NKAIN2: variants seen among roughly 807,000 people sequenced by gnomAD.
NKAIN2 encodes sodium/potassium transporting ATPase interacting 2.
A neutral mutation model predicts 32.6 loss-of-function variants in NKAIN2; 14 were observed. The ratio of observed to expected loss-of-function variants is 0.43; its 90% CI spans 0.28 to 0.67. The LOEUF is 0.67. Among genes scored for constraint, NKAIN2 ranks in the 30% least tolerant of loss-of-function variants. NKAIN2 has a pLI of 0.17. For synonymous variants in NKAIN2, 80 were observed against 87.2 expected, an observed-to-expected ratio of 0.92 and a Z score of 0.46; for missense variants, 198 against 258.3, an observed-to-expected ratio of 0.77 and a Z score of 1.60.
At position 124,343,139 on chromosome 6, in the gene NKAIN2, T is replaced by C. The variant is rs555041737; in HGVS notation, c.193-12128T>C. On this transcript the variant is annotated intron_variant, in intron 2 of 6. Transcript: ENST00000368417. ...GAATGATGGTTTCCAGCTTCATCCA[T>C]GTCCCTACAAAGGACATGAACTCAT... Among the ~76,000 whole-genome samples the C allele has an allele frequency of 3.4e-3, 522 of 152,176 alleles. 2 individuals are homozygous for C. Among genetic ancestry groups the C allele is most frequent in the African/African-American group, 0.01 (436 of 41,532 alleles).
intron 3 of NKAIN2, among the ~76,000 whole-genome samples, chr6:124,531,704 T>C (rs1483169816): frequency 6.6e-6 from 1 of 152,206 alleles, no homozygotes; most frequent in Non-Finnish European, 1.5e-5. Context: ...AGACGGAGTC[T>C]CACTCTGTTG....
chr6:124,272,053 G>A (rs1794818367), intron 1 of NKAIN2, among the ~76,000 whole-genome samples: 1 of 152,194 alleles, frequency 6.6e-6, no homozygotes, highest in Non-Finnish European at 1.5e-5. Flanking sequence ...ATTTAAAAGG[G>A]AAGCAGAGCA....
At chr6:124,138,689 TATATA>T (rs2114314699) in intron 1 of NKAIN2, among the ~76,000 whole-genome samples, 1 of 146,104 alleles carries the variant, frequency 6.8e-6, no homozygotes, top group Admixed American at 6.8e-5. Flanking sequence ...TATAAGTGGA[TATATA>T]ATATATATTA....
chr6:124,432,717 A>G (rs190211571), intron 3 of NKAIN2, among the ~76,000 whole-genome samples: 1 of 152,274 alleles, frequency 6.6e-6, no homozygotes, highest in African/African-American at 2.4e-5. Flanking sequence ...AACTGACTAG[A>G]TCTCCAGCCT....
intron 1 of NKAIN2, among the ~76,000 whole-genome samples, chr6:124,234,002 GATC>G (rs1285360864): frequency 6.6e-6 from 1 of 152,126 alleles, no homozygotes; most frequent in Non-Finnish European, 1.5e-5. Context: ...AGGCTTTGTA[GATC>G]ATTCCCTTCT....
chr6:124,729,440 A>C (rs1310930482), intron 4 of NKAIN2, among the ~76,000 whole-genome samples: 1 of 152,104 alleles, frequency 6.6e-6, no homozygotes, highest in Non-Finnish European at 1.5e-5. Flanking sequence ...GCATATAAGC[A>C]GAGCCAAAGA....
intron 1 of NKAIN2, among the ~76,000 whole-genome samples, chr6:124,236,472 A>T (rs1792767873): frequency 6.6e-6 from 1 of 152,164 alleles, no homozygotes; most frequent in Non-Finnish European, 1.5e-5. Flanking sequence ...ATGAGTGATG[A>T]TATTGAGTAT....
chr6:124,370,226 A>G (rs898068572), intron 3 of NKAIN2, among the ~76,000 whole-genome samples: 2 of 151,642 alleles, frequency 1.3e-5, no homozygotes, highest in African/African-American at 4.8e-5. Flanking sequence ...GAGGCTATTT[A>G]GCTCTCTTTC....
chr6:124,662,976 T>C (rs902595134), intron 4 of NKAIN2, among the ~76,000 whole-genome samples: 3 of 152,212 alleles, frequency 2.0e-5, no homozygotes, highest in Admixed American at 6.5e-5. Context: ...TATGAGCTGA[T>C]ACTAGCTACT....
chr6:124,320,760 T>C (rs79382129), intron 2 of NKAIN2, among the ~76,000 whole-genome samples: 1 of 152,238 alleles, frequency 6.6e-6, no homozygotes, highest in African/African-American at 2.4e-5. Context: ...AATGAATACC[T>C]TGAAGTATAA....
chr6:123,832,017 A>G (rs964805675), intron 1 of NKAIN2, among the ~76,000 whole-genome samples: 1 of 152,142 alleles, frequency 6.6e-6, no homozygotes, highest in African/African-American at 2.4e-5. Context: ...AGGGTTCCCT[A>G]TTGATGTTAT....
At chr6:124,032,741 T>TA (rs1294474378) in intron 1 of NKAIN2, among the ~76,000 whole-genome samples, 2 of 151,986 alleles carry the variant, frequency 1.3e-5, no homozygotes, top group African/African-American at 4.8e-5. Context: ...TTTTTCCAAT[T>TA]AAAAAAATTA....
At chr6:124,103,029 A>C (rs1364095831) in intron 1 of NKAIN2, among the ~76,000 whole-genome samples, 1 of 152,194 alleles carries the variant, frequency 6.6e-6, no homozygotes, top group Non-Finnish European at 1.5e-5. Context: ...CTGAAAATCG[A>C]TGACTAAGAG....
intron 1 of NKAIN2, among the ~76,000 whole-genome samples, chr6:124,011,670 G>A (rs1245579391): frequency 1.3e-5 from 2 of 151,992 alleles, no homozygotes; most frequent in Middle Eastern, 3.2e-3. Flanking sequence ...CTTTTTATAC[G>A]TTATGGCTAT....
intron 3 of NKAIN2, among the ~76,000 whole-genome samples, chr6:124,592,354 A>G (rs1048174358): frequency 1.3e-5 from 2 of 152,208 alleles, no homozygotes; most frequent in African/African-American, 2.4e-5. Flanking sequence ...AAGATATTTC[A>G]GAGGGGGTTT....
intron 3 of NKAIN2, among the ~76,000 whole-genome samples, chr6:124,487,005 A>G (rs151100389): frequency 1.3e-4 from 20 of 152,282 alleles, no homozygotes; most frequent in African/African-American, 4.8e-4. Flanking sequence ...AAGATTCACC[A>G]GGCACCTCCA....
At chr6:124,573,855 A>T (rs1435714918) in intron 3 of NKAIN2, among the ~76,000 whole-genome samples, 1 of 152,196 alleles carries the variant, frequency 6.6e-6, no homozygotes, top group Non-Finnish European at 1.5e-5. Flanking sequence ...AACTGACTTT[A>T]TTCAGAGTCA....
chr6:123,880,812 T>C (rs909414723), intron 1 of NKAIN2, among the ~76,000 whole-genome samples: 8 of 152,218 alleles, frequency 5.3e-5, no homozygotes, highest in Non-Finnish European at 1.2e-4. Flanking sequence ...GTGTTTAAAA[T>C]TTTTCATCTT....
At chr6:124,140,900 A>G (rs1787101309) in intron 1 of NKAIN2, among the ~76,000 whole-genome samples, 1 of 152,222 alleles carries the variant, frequency 6.6e-6, no homozygotes, top group Non-Finnish European at 1.5e-5. Flanking sequence ...ATTCATCTCT[A>G]CAAACCAGAC....
Sources: allele counts gnomAD v4.1 joint callset (sites outside exome capture counted in the v4.1 genomes callset), GRCh38; gene constraint gnomAD v4.1.1; transcripts MANE v1.5; gene names NCBI Gene and HGNC (gene_info 2026-07-23, HGNC 2026-07-21).